Variants in BNC2 observed in about 807,000 individuals in gnomAD.
BNC2 encodes basonuclin zinc finger protein 2, also known as zinc finger protein basonuclin-2.
BNC2 carries 20 observed loss-of-function variants against 76.3 expected under a neutral mutation model. The observed-to-expected ratio is 0.26, with a 90% CI of 0.18 to 0.38. BNC2 has a LOEUF of 0.38. Ranked by LOEUF, BNC2 falls within the 10% of genes least tolerant of loss-of-function variation. The pLI is 1.00. For synonymous variants in BNC2, 582 were observed against 514.8 expected (o/e 1.13, Z -1.77); for missense variants, 1,382 against 1,399.8 (o/e 0.99, Z 0.20).
intron 3 of BNC2, among the ~76,000 whole-genome samples, chr9:16,626,749 T>C (rs1468593228): frequency 6.6e-6 from 1 of 152,032 alleles, no homozygotes; most frequent in Non-Finnish European, 1.5e-5. Context: ...AATCAGGCTC[T>C]CAAATGTCAA....
chr9:16,791,200 T>A (rs1817498837), intron 1 of BNC2, among the ~76,000 whole-genome samples: 1 of 152,116 alleles, frequency 6.6e-6, no homozygotes, highest in South Asian at 2.1e-4. Context: ...TAGCTGGGAC[T>A]ACAGGCACCC....
At chr9:16,498,242 TATATATATATATTCCATC>T (rs1822441150) in intron 5 of BNC2, among the ~76,000 whole-genome samples, 1 of 102,268 alleles carries the variant, frequency 9.8e-6, no homozygotes, top group South Asian at 3.5e-4. Context: ...TATTCCATCA[TATATATATATATTCCATC>T]ATATATATAT....
At chr9:16,671,768 G>A (rs551242281) in intron 3 of BNC2, among the ~76,000 whole-genome samples, 2 of 152,316 alleles carry the variant, frequency 1.3e-5, no homozygotes, top group South Asian at 4.2e-4. Context: ...CTGAACTCCA[G>A]TCAGCAGATC....
At chr9:16,657,077 T>C (rs760851564) in intron 3 of BNC2, among the ~76,000 whole-genome samples, 1 of 152,086 alleles carries the variant, frequency 6.6e-6, no homozygotes, top group Non-Finnish European at 1.5e-5. Context: ...TTGAAGTGGA[T>C]CAACCGAGAG....
At chr9:16,731,629 G>A (rs1172780016) in intron 2 of BNC2, among the ~76,000 whole-genome samples, 1 of 152,160 alleles carries the variant, frequency 6.6e-6, no homozygotes, top group Non-Finnish European at 1.5e-5. Flanking sequence ...ACTATAACAT[G>A]CCTTTCATAT....
intron 5 of BNC2, among the ~76,000 whole-genome samples, chr9:16,509,192 C>G (rs181002210): frequency 4.1e-4 from 63 of 152,244 alleles, no homozygotes; most frequent in African/African-American, 1.4e-3. Flanking sequence ...GATATCTAGG[C>G]ACAAGTCTCA....
At chr9:16,811,483 C>T (rs1219782526) in intron 1 of BNC2, among the ~76,000 whole-genome samples, 2 of 131,580 alleles carry the variant, frequency 1.5e-5, no homozygotes, top group East Asian at 2.3e-4. Context: ...ACCAGGGAGA[C>T]GGAGGTTGCG....
At chr9:16,495,546 C>A (rs1452310715) in intron 5 of BNC2, among the ~76,000 whole-genome samples, 1 of 152,212 alleles carries the variant, frequency 6.6e-6, no homozygotes, top group Non-Finnish European at 1.5e-5. Flanking sequence ...ACAGGGTGCT[C>A]AACATATGCA....
intron 5 of BNC2, among the ~76,000 whole-genome samples, chr9:16,498,560 T>C (rs1822449404): frequency 6.6e-6 from 1 of 151,460 alleles, no homozygotes; most frequent in Non-Finnish European, 1.5e-5. Flanking sequence ...ACAAATATGG[T>C]ACAGTGTATA....
At chr9:16,466,190 C>A (rs567905668) in intron 5 of BNC2, among the ~76,000 whole-genome samples, 1 of 10,446 alleles carries the variant, frequency 9.6e-5, no homozygotes, top group East Asian at 1.6e-3. Flanking sequence ...AGGACACAAA[C>A]AAATGGAAGA....
intron 3 of BNC2, among the ~76,000 whole-genome samples, chr9:16,668,450 G>C (rs746928772): frequency 3.9e-5 from 6 of 152,182 alleles, no homozygotes; most frequent in Non-Finnish European, 7.3e-5. Flanking sequence ...TATGATCTCA[G>C]GGTATACCAT....
intron 5 of BNC2, among the ~76,000 whole-genome samples, chr9:16,530,148 T>G (rs950735087): frequency 6.6e-6 from 1 of 151,952 alleles, no homozygotes; most frequent in Non-Finnish European, 1.5e-5. Flanking sequence ...GCCAAAAAAG[T>G]GAAGTGTTTT....
Position 16,480,522 on chromosome 9 carries a change from C to T in BNC2, c.670-42998G>A, listed in dbSNP as rs529838341. Among the ~76,000 whole-genome samples the T allele has an allele frequency of 3.3e-5, 5 of 152,294 alleles. No homozygotes were observed. The South Asian group carries it at 1.0e-3, about 32-fold the overall frequency. On this transcript the variant is annotated intron_variant, in intron 5 of 6. Transcript: ENST00000380672. The stretch of plus-strand genomic sequence containing the variant: ...GGAGGTGTGGAGGGAGAGGCGGGAG[C>T]AGGAACCGGGGCTGCAGGCGGCGCT...
At chr9:16,779,401 T>C (rs1397389898) in intron 1 of BNC2, among the ~76,000 whole-genome samples, 1 of 151,988 alleles carries the variant, frequency 6.6e-6, no homozygotes, top group African/African-American at 2.4e-5. Flanking sequence ...GACAAGATCC[T>C]ACTGATTGAT....
chr9:16,499,220 G>A (rs779478375), intron 5 of BNC2, among the ~76,000 whole-genome samples: 2 of 152,074 alleles, frequency 1.3e-5, no homozygotes, highest in African/African-American at 2.4e-5. Context: ...TTCCAAGGTG[G>A]GTATTACTAT....
rs537082690 is a variant in BNC2, at chr9:16,418,694, G to A, written c.*295C>T. 3.8e-3 allele frequency: 1,336 copies of A among 351,608 alleles called. 23 individuals carry two copies. Among genetic ancestry groups the A allele is most frequent in the African/African-American group, 0.03 (1,204 of 40,246 alleles). The allele number at this position is 351,608 out of a possible 1,614,324, so 21.8% of individuals were successfully genotyped here. A position where few individuals can be genotyped will look rare whatever the true frequency, so the allele number is the denominator to read the frequency against. On this transcript the variant is annotated 3_prime_UTR_variant, in exon 7 of 7. Transcript: ENST00000380672. ...TGTGTGTGTGTGTGTGTGTGTGTAT[G>A]TGCATGTGTGTGTGTGTGTGTTTAA...
chr9:16,441,494 G>A (rs576567054), intron 5 of BNC2, among the ~76,000 whole-genome samples: 1 of 152,208 alleles, frequency 6.6e-6, no homozygotes, highest in African/African-American at 2.4e-5. Flanking sequence ...GCATCAAAGG[G>A]AAAAAAGAAA....
Position 16,781,590 on chromosome 9 carries a change from G to A in BNC2, c.4-43105C>T, listed in dbSNP as rs115425803. ...ACTCCTAAGCTCAGGCAATCTGCCCGCCCTGGCCTCCCAAAGTGCTGAAAG... is the reference window on the plus strand; with the variant it reads ...ACTCCTAAGCTCAGGCAATCTGCCCACCCTGGCCTCCCAAAGTGCTGAAAG... On this transcript the variant is annotated intron_variant, in intron 1 of 6. Transcript: ENST00000380672. 9.1e-3 allele frequency among the ~76,000 whole-genome samples: 1,388 copies of A among 152,228 alleles called. 20 individuals are homozygous for A. The highest frequency in any genetic ancestry group is 0.031 in the African/African-American group (1,294 of 41,548).
intron 5 of BNC2, among the ~76,000 whole-genome samples, chr9:16,464,970 C>T (rs1437415873): frequency 6.6e-6 from 1 of 152,074 alleles, no homozygotes; most frequent in Non-Finnish European, 1.5e-5. Context: ...CTAACTTAGC[C>T]CTCAGGATGA....
Sources: gnomAD v4.1 joint callset for allele counts (sites outside exome capture counted in the v4.1 genomes callset) on GRCh38, gnomAD v4.1.1 for gene constraint, MANE v1.5 for transcripts, NCBI Gene and HGNC (gene_info 2026-07-23, HGNC 2026-07-21) for gene names.